Variants in SYT12 observed in about 807,000 individuals in gnomAD.
The protein encoded by SYT12 is synaptotagmin 12.
Under a neutral mutation model 39.5 loss-of-function variants are expected in SYT12, and 27 were observed. The ratio of observed to expected loss-of-function variants is 0.68; its 90% CI spans 0.50 to 0.94. The LOEUF (loss-of-function observed/expected upper bound fraction) is 0.94. SYT12 is among the 40% of genes least tolerant of loss of function. SYT12 has a pLI of 0.00. For synonymous variants in SYT12, 233 were observed against 239.7 expected (o/e 0.97, Z 0.26); for missense variants, 536 against 572.6 (o/e 0.94, Z 0.65).
intron 3 of SYT12, among the ~76,000 whole-genome samples, chr11:67,039,147 T>A (rs1325049216): frequency 6.2e-5 from 9 of 145,166 alleles, no homozygotes; most frequent in Non-Finnish European, 1.4e-4. Flanking sequence ...CTACTAAAAA[T>A]ACAAAATTAG....
At position 67,026,443 on chromosome 11, in the gene SYT12, T is replaced by C. The variant is rs959745355; in HGVS notation, c.-24+2983T>C. On this transcript the variant is annotated intron_variant, in intron 1 of 7. Transcript: ENST00000527043. ...CATGTGCCACCAAGCCCGGCTAATT[T>C]TGTATTTTTAGCAGAGATGGGGTTT... Among the ~76,000 whole-genome samples, 4 of 151,724 alleles carry C rather than the reference T, an allele frequency of 2.6e-5. No individual in the cohort carries two copies. The East Asian group carries it at 7.7e-4, about 29-fold the overall frequency.
At chr11:67,007,657 C>T (rs1395995053) in intron 1 of SYT12, among the ~76,000 whole-genome samples, 3 of 152,124 alleles carry the variant, frequency 2.0e-5, no homozygotes, top group African/African-American at 4.8e-5. Flanking sequence ...CTCCGCCTCC[C>T]GGGTTCAAGC....
chr11:67,038,823 C>G (rs1950438350), intron 3 of SYT12, among the ~76,000 whole-genome samples: 2 of 150,934 alleles, frequency 1.3e-5, no homozygotes, highest in African/African-American at 4.9e-5. Context: ...CCTGTCTCTA[C>G]TAAAAATACA....
rs1367308614 is a variant in SYT12 at position 67,045,769 on chromosome 11, G to A, written c.984G>A (p.Leu328=). The A allele has an allele frequency of 2.5e-6, 4 of 1,613,856 alleles. No individual in the cohort carries two copies. Among genetic ancestry groups the A allele is most frequent in the Non-Finnish European group, 3.4e-6 (4 of 1,179,960 alleles). Residue 328 remains leucine (L), a synonymous_variant, in exon 7 of 8, where the codon CTG becomes CTA. Coordinates refer to ENST00000527043, the MANE Select transcript of SYT12 (RefSeq NM_177963.4). The stretch of plus-strand genomic sequence containing the variant: ...ACCCCTTCGTCAAGGTGTACCTGCT[G>A]CAGGATGGGAGGAAGATGAGCAAAA... ...TADPFVKVYL[L]QDGRKMSKKK...
At chr11:67,010,658 C>G (rs755434069) in intron 2 of SYT12, among the ~76,000 whole-genome samples, 6 of 152,212 alleles carry the variant, frequency 3.9e-5, no homozygotes, top group Non-Finnish European at 7.3e-5. Context: ...GCCAGTGAGG[C>G]CCTGGGACCT....
intron 1 of SYT12, chr11:67,029,826 T>A (rs894906367): frequency 9.6e-6 from 3 of 312,340 alleles, no homozygotes; most frequent in Admixed American, 5.0e-5. Context: ...CACTCTAGCC[T>A]GGGCAACAAA....
At chr11:67,021,330 T>C (rs1591354081), upstream of SYT12, among the ~76,000 whole-genome samples, 1 of 152,088 alleles carries the variant, frequency 6.6e-6, no homozygotes, top group Non-Finnish European at 1.5e-5. Flanking sequence ...TTGCTTTTTT[T>C]TTTTGTTTGT....
At chr11:67,007,627 C>T (rs1302062947) in intron 1 of SYT12, among the ~76,000 whole-genome samples, 5 of 152,054 alleles carry the variant, frequency 3.3e-5, no homozygotes, top group Middle Eastern at 3.4e-3. Flanking sequence ...TGCAACAGGG[C>T]GGCCTCGGCT....
At chr11:67,048,548 C>A (rs755355335) in intron 7 of SYT12, 36 bp from the exon 8 acceptor site, 1 of 1,581,484 alleles carries the variant, frequency 6.3e-7, no homozygotes, top group Admixed American at 1.7e-5. Flanking sequence ...CTCTGACTGC[C>A]CCTGGTCCTC....
intron 7 of SYT12, among the ~76,000 whole-genome samples, chr11:67,047,119 C>T (rs1854580431): frequency 6.6e-6 from 1 of 152,010 alleles, no homozygotes; most frequent in Non-Finnish European, 1.5e-5. Context: ...CACCTGCCAC[C>T]ACACCTGGCT....
chr11:67,008,361 G>A (rs953836919), intron 1 of SYT12, among the ~76,000 whole-genome samples: 1 of 152,044 alleles, frequency 6.6e-6, no homozygotes, highest in African/African-American at 2.4e-5. Context: ...TCCCACCTCT[G>A]TCACCTGCTG....
At chr11:67,042,315 G>C (rs114467173) in intron 4 of SYT12, among the ~76,000 whole-genome samples, 2 of 152,114 alleles carry the variant, frequency 1.3e-5, no homozygotes, top group African/African-American at 2.4e-5. Context: ...AGCTCCTGTC[G>C]TGCCCAGCCA....
chr11:67,046,543 C>G (rs1346646638), intron 7 of SYT12, among the ~76,000 whole-genome samples: 1 of 152,262 alleles, frequency 6.6e-6, no homozygotes, highest in Non-Finnish European at 1.5e-5. Flanking sequence ...CTCCCCCAAC[C>G]CGGGGACCCC....
chr11:67,045,292 G>T (rs905319259), intron 6 of SYT12, among the ~76,000 whole-genome samples: 31 of 151,476 alleles, frequency 2.0e-4, no homozygotes, highest in African/African-American at 4.1e-4. Flanking sequence ...GGGGGTAGGT[G>T]GGGGGGGCAG....
chr11:67,045,914 C>A, intron 7 of SYT12, 37 bp downstream of exon 7: 1 of 1,612,080 alleles, frequency 6.2e-7, no homozygotes, highest in Non-Finnish European at 8.5e-7. Context: ...GGCCAGGTCA[C>A]CCCAGGGCTC....
chr11:67,028,033 AC>A (rs1277153400), intron 1 of SYT12: 1 of 152,324 alleles, frequency 6.6e-6, no homozygotes, highest in Non-Finnish European at 1.5e-5. Flanking sequence ...CCATATGCCC[AC>A]TTGCAGTGAG....
At chr11:67,022,229 T>G (rs80226905), upstream of SYT12, among the ~76,000 whole-genome samples, 1 of 152,174 alleles carries the variant, frequency 6.6e-6, no homozygotes, top group Non-Finnish European at 1.5e-5. Context: ...GAGAGGTCAG[T>G]GCCCACAGGC....
Position 67,034,797 on chromosome 11 carries a change from C to T in SYT12, c.187C>T (p.Gln63Ter). 1.3e-6 allele frequency: 2 copies of T among 1,590,046 alleles called. No homozygotes were observed. Among genetic ancestry groups the T allele is most frequent in the Non-Finnish European group, 1.7e-6 (2 of 1,171,286 alleles). The change falls in exon 3 of 8, where the codon CAG becomes TAG. Residue 63 changes from glutamine (Q) to a stop codon, truncating the protein, a stop_gained. Transcript: ENST00000527043. LOFTEE classifies it high-confidence loss of function. Reference sequence around the variant, plus strand: ...CCCCAATTACGACTACAGGTACCTTCAGCAGAAGTACGGCGAGAGCTGCGC... The same window carrying T: ...CCCCAATTACGACTACAGGTACCTTTAGCAGAAGTACGGCGAGAGCTGCGC... ...PFPNYDYRYL[Q>*]QKYGESCAEA...
At chr11:67,045,922 C>T in intron 7 of SYT12, 45 bp downstream of exon 7, 3 of 1,608,490 alleles carry the variant, frequency 1.9e-6, no homozygotes, top group Non-Finnish European at 2.5e-6. Flanking sequence ...CACCCCAGGG[C>T]TCTGGGGCTG....
Sources: gnomAD v4.1 joint callset for allele counts (sites outside exome capture counted in the v4.1 genomes callset) on GRCh38, gnomAD v4.1.1 for gene constraint, MANE v1.5 for transcripts, NCBI Gene and HGNC (gene_info 2026-07-23, HGNC 2026-07-21) for gene names.